Variants in LIFR observed in about 807,000 individuals in gnomAD.
The protein encoded by LIFR is LIF receptor subunit alpha, also known as leukemia inhibitory factor receptor.
Under a neutral mutation model 122.2 loss-of-function variants are expected in LIFR, and 84 were observed. The observed-to-expected ratio is 0.69, with a 90% confidence interval of 0.58 to 0.82. LIFR has a LOEUF of 0.82. Among genes scored for constraint, LIFR ranks in the 40% least tolerant of loss-of-function variants. LIFR has a pLI of 0.00. For synonymous variants in LIFR, 422 were observed against 434.7 expected, an observed-to-expected ratio of 0.97 and a Z score of 0.36; for missense variants, 1,294 against 1,311.6, an observed-to-expected ratio of 0.99 and a Z score of 0.21.
chr5:38,556,870 G>T (rs1336042252), upstream of LIFR: 1 of 151,646 alleles, frequency 6.6e-6, no homozygotes, highest in African/African-American at 2.4e-5. Flanking sequence ...CCGAGCCTCC[G>T]GTGGTGAGGC....
intron 2 of LIFR, among the ~76,000 whole-genome samples, chr5:38,605,631 A>T (rs1056269887): frequency 2.0e-5 from 3 of 152,210 alleles, no homozygotes; most frequent in Non-Finnish European, 4.4e-5. Context: ...ATTCCTAAAA[A>T]AAGATACCTG....
At chr5:38,575,238 G>T (rs1384447401) in intron 1 of LIFR, among the ~76,000 whole-genome samples, 4 of 152,160 alleles carry the variant, frequency 2.6e-5, no homozygotes, top group Non-Finnish European at 5.9e-5. Context: ...CTAATTTACA[G>T]TATTAAAAGT....
chr5:38,495,402 A>G (rs1744824244), intron 13 of LIFR, among the ~76,000 whole-genome samples: 1 of 152,122 alleles, frequency 6.6e-6, no homozygotes, highest in Non-Finnish European at 1.5e-5. Context: ...GCCATTATTA[A>G]GCCCCTCCTC....
At chr5:38,512,608 C>A (rs999289129) in intron 5 of LIFR, among the ~76,000 whole-genome samples, 2 of 152,062 alleles carry the variant, frequency 1.3e-5, no homozygotes, top group Non-Finnish European at 2.9e-5. Context: ...CAACTGCACT[C>A]CAGCCTGGGT....
rs1744058208 is a variant in LIFR at position 38,482,650 on chromosome 5, TAGA to T, written c.2606_2608del (p.Phe869del). On this transcript the variant is annotated inframe_deletion, in exon 19 of 20. Coordinates refer to ENST00000453190, the MANE Select transcript of LIFR (RefSeq NM_001127671.2). ...GTTTTCTGGATTTGGAATATCAGGG[TAGA>T]AGGTTTCTTTAATCCTTTAAATAAA... 6.8e-7 allele frequency: 1 copy of T among 1,460,346 alleles called. No homozygotes were observed. Among genetic ancestry groups the T allele is most frequent in the Non-Finnish European group, 9.4e-7 (1 of 1,069,430 alleles). 90.5% of individuals were successfully genotyped at this position (1,460,346 alleles called of 1,614,324 possible).
chr5:38,519,229 C>T (rs568134621), intron 5 of LIFR, among the ~76,000 whole-genome samples: 69 of 152,242 alleles, frequency 4.5e-4, no homozygotes, highest in African/African-American at 1.6e-3. Flanking sequence ...TAGTCATGTC[C>T]TAGGCCCTCA....
At chr5:38,491,497 T>C (rs1274517948) in intron 14 of LIFR, among the ~76,000 whole-genome samples, 1 of 152,160 alleles carries the variant, frequency 6.6e-6, no homozygotes, top group Non-Finnish European at 1.5e-5. Context: ...AATTAGATGC[T>C]CATCAGTGGT....
rs540704310 is a variant in LIFR, at chr5:38,547,937, A to G, written c.-20+8397T>C. ...GTATTTGGGTATCTAAACATAAAAA[A>G]GGTACAGTAAAAATATAGTATCATA... On this transcript the variant is annotated intron_variant, in intron 1 of 19. Coordinates refer to ENST00000453190, the MANE Select transcript of LIFR (RefSeq NM_001127671.2). 6.6e-5 allele frequency among the ~76,000 whole-genome samples: 10 copies of G among 152,330 alleles called. No homozygotes were observed. In the East Asian group the frequency reaches 1.7e-3, roughly 26 times the overall value.
chr5:38,540,138 G>A (rs1343222356), intron 1 of LIFR, among the ~76,000 whole-genome samples: 2 of 152,192 alleles, frequency 1.3e-5, no homozygotes, highest in African/African-American at 4.8e-5. Context: ...CTGAATAGGT[G>A]ACAGGTAGGG....
intron 1 of LIFR, among the ~76,000 whole-genome samples, chr5:38,533,633 C>T (rs1298684115): frequency 6.6e-6 from 1 of 152,192 alleles, no homozygotes; most frequent in Admixed American, 6.5e-5. Context: ...AAACTAGTCC[C>T]AACACATTTT....
At position 38,582,663 on chromosome 5, in the gene LIFR, T is replaced by A. The variant is rs560979038; in HGVS notation, c.-20+12598A>T. Among the ~76,000 whole-genome samples the A allele has an allele frequency of 3.9e-5, 6 of 152,310 alleles. 1 individual carries two copies. The highest frequency in any genetic ancestry group is 1.4e-4 in the African/African-American group (6 of 41,572). On this transcript the variant is annotated intron_variant, in intron 1 of 19. Coordinates refer to the LIFR transcript ENST00000263409. ...AACCACCAGTAAGCTTCATCTTTAG[T>A]AACCTTTTTGGACAATACTAAATCA...
intron 6 of LIFR, 65 bp downstream of exon 6, chr5:38,511,725 A>C: frequency 6.6e-7 from 1 of 1,504,826 alleles, no homozygotes; most frequent in Non-Finnish European, 9.2e-7. Context: ...CTCAAACTAA[A>C]TCTTACTCTT....
chr5:38,570,790 T>G (rs571203593), intron 1 of LIFR, among the ~76,000 whole-genome samples: 1 of 152,166 alleles, frequency 6.6e-6, no homozygotes, highest in Non-Finnish European at 1.5e-5. Flanking sequence ...ACTTGCTAAA[T>G]CTCCACAGAA....
intron 1 of LIFR, among the ~76,000 whole-genome samples, chr5:38,534,255 CCA>C (rs1372693561): frequency 1.3e-5 from 2 of 152,162 alleles, no homozygotes; most frequent in African/African-American, 2.4e-5. Context: ...GCATTAGCTC[CCA>C]GTGAAGAAGG....
intron 1 of LIFR, among the ~76,000 whole-genome samples, chr5:38,535,891 C>T (rs187917053): frequency 1.3e-5 from 2 of 152,306 alleles, no homozygotes; most frequent in South Asian, 2.1e-4. Flanking sequence ...CACTGAGGCA[C>T]CCCAAGACAC....
At chr5:38,527,906 GTTTAC>G (rs1482883360) in intron 3 of LIFR, among the ~76,000 whole-genome samples, 1 of 152,092 alleles carries the variant, frequency 6.6e-6, no homozygotes, top group Non-Finnish European at 1.5e-5. Flanking sequence ...TTATACAAAT[GTTTAC>G]TTTACTGAAA....
chr5:38,605,329 A>G lies in LIFR; in HGVS notation n.305+876T>C, dbSNP rs138824562. Among the ~76,000 whole-genome samples the G allele has an allele frequency of 1.9e-3, 285 of 152,298 alleles. 2 individuals are homozygous for G. Among genetic ancestry groups the G allele is most frequent in the African/African-American group, 6.6e-3 (273 of 41,566 alleles). On this transcript the variant is annotated intron_variant and non_coding_transcript_variant, in intron 2 of 3. Transcript: ENST00000507786. The stretch of plus-strand genomic sequence containing the variant: ...AGACTAAGAGCAAGCACTGTGTTCA[A>G]TGTACGGACTGGAATCCTTGCTTCA...
chr5:38,564,899 G>A (rs1287498139), intron 1 of LIFR, among the ~76,000 whole-genome samples: 2 of 151,538 alleles, frequency 1.3e-5, no homozygotes, highest in Non-Finnish European at 2.9e-5. Context: ...TCAGCCTGCC[G>A]AGTAGCTGGG....
At chr5:38,536,438 A>C (rs1048703775) in intron 1 of LIFR, among the ~76,000 whole-genome samples, 3 of 151,274 alleles carry the variant, frequency 2.0e-5, no homozygotes, top group African/African-American at 7.4e-5. Flanking sequence ...GAGATGATTT[A>C]AATCATATGA....
Sources: gnomAD v4.1 joint callset for allele counts (sites outside exome capture counted in the v4.1 genomes callset) on GRCh38, gnomAD v4.1.1 for gene constraint, MANE v1.5 for transcripts, NCBI Gene and HGNC (gene_info 2026-07-23, HGNC 2026-07-21) for gene names.